The following MICAL2 variants were observed in gnomAD, a reference collection of about 807,000 sequenced individuals.
The protein encoded by MICAL2 is microtubule associated monooxygenase, calponin and LIM domain containing 2, also known as [F-actin]-monooxygenase MICAL2.
In MICAL2, 77 loss-of-function variants were observed where a neutral mutation model predicts 127.3. The ratio of observed to expected loss-of-function variants is 0.60; its 90% CI spans 0.50 to 0.73. MICAL2 has a LOEUF of 0.73. MICAL2 is among the 30% of genes least tolerant of loss of function. The probability of loss-of-function intolerance (pLI) is 0.00; values close to 1 mark genes in which losing one functional copy is unlikely to be tolerated. For synonymous variants in MICAL2, 570 were observed against 551.1 expected (o/e 1.03, Z -0.48); for missense variants, 1,351 against 1,434.4 (o/e 0.94, Z 0.94).
chr11:12,181,209 G>A (rs987071642), intron 3 of MICAL2, among the ~76,000 whole-genome samples: 4 of 152,140 alleles, frequency 2.6e-5, no homozygotes, highest in African/African-American at 4.8e-5. Context: ...CTCCCAAAGC[G>A]CTAGGATTAC....
intron 1 of MICAL2, among the ~76,000 whole-genome samples, chr11:12,114,262 T>C (rs554888442): frequency 8.6e-4 from 131 of 152,368 alleles, no homozygotes; most frequent in South Asian, 3.7e-3. Context: ...GGCCTCTATA[T>C]AATCCAGTAT....
intron 3 of MICAL2, among the ~76,000 whole-genome samples, chr11:12,192,326 C>T (rs1400180484): frequency 6.6e-6 from 1 of 152,164 alleles, no homozygotes; most frequent in Non-Finnish European, 1.5e-5. Context: ...ACTCACTCAC[C>T]ACCTTGGAGA....
Position 12,226,294 on chromosome 11 carries a change from G to C in MICAL2, c.1812G>C (p.Glu604Asp). 1 of 1,614,250 alleles carries C rather than the reference G, an allele frequency of 6.2e-7. No homozygotes were observed. Among genetic ancestry groups the C allele is most frequent in the Middle Eastern group, 1.6e-4 (1 of 6,062 alleles). ...GCAAAGAGATGGCATCTGCCCAGGA[G>C]CCTGACAAGCTCAGCATGGTCATGT... Reference protein sequence around the residue: ...TTGKEMASAQEPDKLSMVMYL... With the variant: ...TTGKEMASAQDPDKLSMVMYL... Residue 604 changes from glutamate to aspartate, a missense_variant, in exon 14 of 28, where the codon GAG (glutamate) becomes GAC (aspartate). Coordinates refer to ENST00000683283, the MANE Select transcript of MICAL2 (RefSeq NM_001282663.2).
At chr11:12,263,868 A>C (rs894079705), downstream of MICAL2, 1 of 152,418 alleles carries the variant, frequency 6.6e-6, no homozygotes, top group Non-Finnish European at 1.5e-5. Flanking sequence ...CATTTTCCCT[A>C]AACTGCTGGC....
intron 29 of MICAL2, among the ~76,000 whole-genome samples, chr11:12,305,450 A>C (rs1337825116): frequency 1.3e-5 from 2 of 152,154 alleles, no homozygotes; most frequent in Non-Finnish European, 2.9e-5. Flanking sequence ...ATTGGAGATG[A>C]GATTTGGGTG....
chr11:12,285,656 G>T (rs984737667), intron 2 of MICAL2, among the ~76,000 whole-genome samples: 1 of 152,098 alleles, frequency 6.6e-6, no homozygotes, highest in Non-Finnish European at 1.5e-5. Context: ...GGAAAGAGAG[G>T]AGCTGAAGGA....
At chr11:12,188,915 G>A (rs927767898) in intron 3 of MICAL2, among the ~76,000 whole-genome samples, 3 of 152,154 alleles carry the variant, frequency 2.0e-5, no homozygotes, top group Admixed American at 6.5e-5. Context: ...TCAACTATTA[G>A]GATTTCTACA....
At chr11:12,322,933 A>T (rs1396517772) in intron 30 of MICAL2, among the ~76,000 whole-genome samples, 2 of 152,206 alleles carry the variant, frequency 1.3e-5, no homozygotes, top group Non-Finnish European at 2.9e-5. Context: ...CCTACAAAGT[A>T]GGCAGTAAAT....
downstream of MICAL2, chr11:12,294,828 C>CTCT (rs1308195769): frequency 6.6e-7 from 1 of 1,519,178 alleles, no homozygotes; most frequent in South Asian, 1.3e-5. Flanking sequence ...CCTCCTCCTC[C>CTCT]TCCTCCTCCT....
chr11:12,189,509 G>A (rs1325594119), intron 3 of MICAL2, among the ~76,000 whole-genome samples: 1 of 152,180 alleles, frequency 6.6e-6, no homozygotes, highest in Non-Finnish European at 1.5e-5. Context: ...CAGGGAGCTA[G>A]GGTAGCAGTT....
At chr11:12,236,036 G>T in intron 15 of MICAL2, 141 bp from the exon 16 acceptor site, 3 of 706,442 alleles carry the variant, frequency 4.2e-6, no homozygotes, top group African/African-American at 1.7e-5. Context: ...TACCACTCCT[G>T]CCTGTAGGCT....
At chr11:12,358,221 G>T in intron 34 of MICAL2, 1 of 1,436,848 alleles carries the variant, frequency 7.0e-7, no homozygotes, top group Non-Finnish European at 9.5e-7. Context: ...CATAACAATC[G>T]AGAATGTCCA....
chr11:12,271,130 C>T (rs150452149), upstream of MICAL2, among the ~76,000 whole-genome samples: 1,544 of 152,248 alleles, frequency 0.01, 23 homozygotes, highest in African/African-American at 0.033. Flanking sequence ...TGTCAGGGAG[C>T]AGGTATCTGG....
chr11:12,223,500 G>C lies in MICAL2; in HGVS notation c.1539G>C (p.Lys513Asn), dbSNP rs1227677074. ...SVRRSVNLSR[K>N]ESDIRPSKLL... Reference sequence around the variant, plus strand: ...GGAGATCTGTCAACCTCTCCAGGAAGGGTAAGCGGCCCTCCTGGGACCCTG... The same window carrying C: ...GGAGATCTGTCAACCTCTCCAGGAACGGTAAGCGGCCCTCCTGGGACCCTG... Residue 513 changes from lysine to asparagine, a missense_variant and splice_region_variant, in exon 12 of 28, where the codon AAG (lysine) becomes AAC (asparagine). Coordinates refer to ENST00000683283, the MANE Select transcript of MICAL2 (RefSeq NM_001282663.2). 1.9e-6 allele frequency: 3 copies of C among 1,613,666 alleles called. No homozygotes were observed. The highest frequency in any genetic ancestry group is 1.7e-6 in the Non-Finnish European group (2 of 1,179,926).
Position 12,224,737 on chromosome 11 carries a change from T to C in MICAL2, c.1605T>C (p.His535=), listed in dbSNP as rs148242106. The C allele has an allele frequency of 1.1e-3, 1,732 of 1,614,194 alleles. 9 individuals carry two copies. Among genetic ancestry groups the C allele is most frequent in the Non-Finnish European group, 6.8e-4 (802 of 1,180,022 alleles). The change falls in exon 13 of 28, where the codon CAT becomes CAC. Residue 535 remains histidine, a synonymous_variant. Transcript: ENST00000683283. ...WCQQQTEGYQ[H]VNVTDLTTSW... ...AGCAGCAGACAGAGGGCTACCAGCA[T>C]GTCAACGTCACCGACCTGACCACAT... is the stretch of plus-strand genomic sequence containing the variant.
chr11:12,256,938 C>T lies in MICAL2; in HGVS notation c.3109C>T (p.Arg1037Cys), dbSNP rs745915420. The change falls in exon 24 of 28, where the codon CGC (arginine) becomes TGC (cysteine). Residue 1037 changes from arginine to cysteine, a missense_variant. Coordinates refer to ENST00000683283, the MANE Select transcript of MICAL2 (RefSeq NM_001282663.2). ...FRCSICATTL[R>C]LAAYTFDCDE... ...CTGCAGCATCTGTGCCACCACCTTG[C>T]GCCTGGCCGCCTACACCTTTGACTG... 7 of 1,613,724 alleles carry T rather than the reference C, an allele frequency of 4.3e-6. No individual in the cohort carries two copies. Among genetic ancestry groups the T allele is most frequent in the Non-Finnish European group, 5.1e-6 (6 of 1,179,896 alleles).
intron 8 of MICAL2, among the ~76,000 whole-genome samples, chr11:12,217,013 C>T (rs927075978): frequency 3.9e-5 from 6 of 152,306 alleles, no homozygotes; most frequent in African/African-American, 1.4e-4. Context: ...GGCTTCCTGG[C>T]CTCTGCTTCG....
chr11:12,323,666 C>T lies in MICAL2; in HGVS notation c.5329-312C>T, dbSNP rs139417929. ...TAGCAGCTTCCCAATCCAGAACCTA[C>T]TAGCGACATGTGGCTACTTAAGTTT... On this transcript the variant is annotated intron_variant, in intron 30 of 34. Coordinates refer to the MICAL2 transcript ENST00000646065. Among the ~76,000 whole-genome samples, 187 of 152,302 alleles carry T rather than the reference C, an allele frequency of 1.2e-3. 1 individual carries two copies. Among genetic ancestry groups the T allele is most frequent in the Middle Eastern group, 3.4e-3 (1 of 294 alleles).
chr11:12,182,414 G>A (rs1463660150), intron 3 of MICAL2, among the ~76,000 whole-genome samples: 1 of 152,028 alleles, frequency 6.6e-6, no homozygotes, highest in African/African-American at 2.4e-5. Flanking sequence ...TGTGACTGGG[G>A]GCCAATTACT....
Sources: gnomAD v4.1 joint callset for allele counts (sites outside exome capture counted in the v4.1 genomes callset) on GRCh38, gnomAD v4.1.1 for gene constraint, MANE v1.5 for transcripts, NCBI Gene and HGNC (gene_info 2026-07-23, HGNC 2026-07-21) for gene names.